CSPG4: variants seen among roughly 807,000 people sequenced by gnomAD.
CSPG4 encodes the protein chondroitin sulfate proteoglycan 4 (melanoma-associated).
A neutral mutation model predicts 139.3 loss-of-function variants in CSPG4; 74 were observed. The ratio of observed to expected loss-of-function variants is 0.53; its 90% confidence interval spans 0.44 to 0.64. The LOEUF (loss-of-function observed/expected upper bound fraction) is 0.64. CSPG4 is among the 30% of genes least tolerant of loss of function. The pLI is 0.00. For synonymous variants in CSPG4, 1,234 were observed against 1,394.2 expected, an observed-to-expected ratio of 0.89 and a Z score of 2.56; for missense variants, 2,565 against 3,148.3, an observed-to-expected ratio of 0.81 and a Z score of 4.43.
intron 1 of CSPG4, among the ~76,000 whole-genome samples, chr15:75,700,903 C>A (rs190384393): frequency 6.6e-6 from 1 of 152,158 alleles, no homozygotes; most frequent in Non-Finnish European, 1.5e-5. Flanking sequence ...CTCCTCAGTT[C>A]CCCCATCTGA....
chr15:75,682,824 C>G lies in CSPG4; in HGVS notation c.4648+19G>C. 3 of 1,605,878 alleles carry G rather than the reference C, an allele frequency of 1.9e-6. No individual in the cohort carries two copies. Among genetic ancestry groups the G allele is most frequent in the Non-Finnish European group, 2.6e-6 (3 of 1,176,010 alleles). On this transcript the variant is annotated intron_variant, in intron 6 of 9. Transcript: ENST00000308508. Reference sequence around the variant, plus strand: ...CCCCGTGGGCAGCAGGAACCCGAGGCCCGGCCCTCAGCACCCACCTCTGTG... The same window carrying G: ...CCCCGTGGGCAGCAGGAACCCGAGGGCCGGCCCTCAGCACCCACCTCTGTG...
Position 75,688,249 on chromosome 15 carries a change from C to T in CSPG4, c.2816G>A (p.Arg939Gln), listed in dbSNP as rs764298770. ...CCAAGCCAACCTCCCATGGCGGGGC[C>T]GCTCCATGACCTCATAGAGGTAGCT... ...SASYLYEVME[R>Q]PRHGRLAWRG... Residue 939 changes from arginine to glutamine, a missense_variant, in exon 3 of 10, where the codon CGG becomes CAG. Arg to Gln is a conservative substitution (Grantham distance 43). This residue lies in a region of CSPG4 where 2,316 missense variants were observed against 2,818.2 expected (regional missense o/e 0.82). Coordinates refer to ENST00000308508, the MANE Select transcript of CSPG4 (RefSeq NM_001897.5). 5.6e-5 allele frequency: 91 copies of T among 1,612,812 alleles called. No homozygotes were observed. The highest frequency in any genetic ancestry group is 6.7e-5 in the Non-Finnish European group (79 of 1,179,958).
At chr15:75,702,772 T>C (rs1192785892) in intron 1 of CSPG4, among the ~76,000 whole-genome samples, 1 of 152,108 alleles carries the variant, frequency 6.6e-6, no homozygotes, top group African/African-American at 2.4e-5. Flanking sequence ...TTAAAGAAAA[T>C]AGAATCCGAG....
At chr15:75,692,414 C>T (rs994732919) in intron 2 of CSPG4, among the ~76,000 whole-genome samples, 3 of 152,306 alleles carry the variant, frequency 2.0e-5, no homozygotes, top group South Asian at 2.1e-4. Flanking sequence ...GCCACTGCAC[C>T]CAGCCTGGCA....
At position 75,676,891 on chromosome 15, in the gene CSPG4, G is replaced by A. The variant is rs1893901419; in HGVS notation, c.5628C>T (p.Pro1876=). 2 of 1,591,056 alleles carry A rather than the reference G, an allele frequency of 1.3e-6. No homozygotes were observed. Among genetic ancestry groups the A allele is most frequent in the East Asian group, 2.3e-5 (1 of 43,974 alleles). Residue 1876 remains proline (P), a synonymous_variant, in exon 10 of 10, where the codon CCC becomes CCT. Coordinates refer to ENST00000308508, the MANE Select transcript of CSPG4 (RefSeq NM_001897.5). ...CCACCAGGCTGAGGAAGCCGTTGTG[G>A]GGTGCCCGCTGGACCTCGTACTCAA... ...GEIEYEVQRA[P]HNGFLSLVGG...
intron 1 of CSPG4, among the ~76,000 whole-genome samples, chr15:75,699,794 G>C (rs1265870188): frequency 6.6e-6 from 1 of 152,154 alleles, no homozygotes; most frequent in Non-Finnish European, 1.5e-5. Flanking sequence ...GAGGAGGGTG[G>C]GGTGGCTGCG....
At position 75,689,030 on chromosome 15, in the gene CSPG4, T is replaced by A; in HGVS notation, c.2035A>T (p.Met679Leu). ...TGLRLAQGSA[M>L]PILPANLSVE... Reference sequence around the variant, plus strand: ...GACAGGTTGGCGGGCAAGATGGGCATGGCAGAGCCTTGGGCCAGTCGCAAC... The same window carrying A: ...GACAGGTTGGCGGGCAAGATGGGCAAGGCAGAGCCTTGGGCCAGTCGCAAC... The change falls in exon 3 of 10, where the codon ATG (methionine) becomes TTG (leucine). Residue 679 changes from methionine to leucine, a missense_variant. By Grantham distance (15) the Met-to-Leu change is conservative. Around this residue, in one of 5 missense-constraint regions of CSPG4, gnomAD observed 2,316 missense variants for 2,818.2 expected, o/e 0.82. Coordinates refer to ENST00000308508, the MANE Select transcript of CSPG4 (RefSeq NM_001897.5). 6.2e-7 allele frequency: 1 copy of A among 1,611,908 alleles called. No homozygotes were observed. Among genetic ancestry groups the A allele is most frequent in the South Asian group, 1.1e-5 (1 of 91,036 alleles).
chr15:75,705,552 A>C (rs1233004847), intron 1 of CSPG4, among the ~76,000 whole-genome samples: 1 of 152,220 alleles, frequency 6.6e-6, no homozygotes, highest in African/African-American at 2.4e-5. Flanking sequence ...CCCATTTTAG[A>C]GAGGAGAAAA....
rs544841931 is a variant in CSPG4 at position 75,684,659 on chromosome 15, A to G, written c.4449+77T>C. 3.7e-6 allele frequency: 5 copies of G among 1,369,720 alleles called. No individual in the cohort carries two copies. In the East Asian group the frequency reaches 7.3e-5, roughly 20 times the overall value. 84.8% of individuals were successfully genotyped at this position (1,369,720 alleles called of 1,614,324 possible). On this transcript the variant is annotated intron_variant, in intron 5 of 9. Coordinates refer to ENST00000308508, the MANE Select transcript of CSPG4 (RefSeq NM_001897.5). ...GGAAACTGAGGATCAGAGCTGGGGGAGCTCTGAGCCGCGAAGTAGGGGACG... is the reference window on the plus strand; with the variant it reads ...GGAAACTGAGGATCAGAGCTGGGGGGGCTCTGAGCCGCGAAGTAGGGGACG...
chr15:75,712,879 T>G (rs1894467044), upstream of CSPG4: 10 of 752,124 alleles, frequency 1.3e-5, no homozygotes, highest in Non-Finnish European at 2.0e-5. Flanking sequence ...CGCACTTAAC[T>G]CCGGGGGCGG....
Position 75,682,458 on chromosome 15 carries a change from C to A in CSPG4, c.4785G>T (p.Gly1595=), listed in dbSNP as rs1269866922. 9.5e-6 allele frequency: 15 copies of A among 1,578,836 alleles called. No individual in the cohort carries two copies. Among genetic ancestry groups the A allele is most frequent in the Non-Finnish European group, 1.3e-5 (15 of 1,168,078 alleles). ...KGSQTLTVCP[G]SVQPLSSQTL... is the part of the protein sequence containing the mutation. ...TCTGACTGCTGAGTGGCTGGACGGA[C>A]CCTGCCAGAGGCAAAAGGGGATATC... The change falls in exon 8 of 10, where the codon GGG becomes GGT. Residue 1595 remains glycine (G), a splice_region_variant and synonymous_variant. Transcript: ENST00000308508.
At chr15:75,694,329 G>A (rs981990355) in intron 1 of CSPG4, among the ~76,000 whole-genome samples, 1 of 152,196 alleles carries the variant, frequency 6.6e-6, no homozygotes. Context: ...CTTCCAACCC[G>A]CTGCCACAAT....
chr15:75,710,166 C>G (rs1894429384), intron 1 of CSPG4, among the ~76,000 whole-genome samples: 1 of 152,212 alleles, frequency 6.6e-6, no homozygotes, highest in Non-Finnish European at 1.5e-5. Context: ...CTGCCAGGTA[C>G]TCCCCAACCT....
chr15:75,691,780 T>C (rs1027796732), intron 2 of CSPG4, among the ~76,000 whole-genome samples: 3 of 152,134 alleles, frequency 2.0e-5, no homozygotes, highest in African/African-American at 7.2e-5. Flanking sequence ...CAGAGTATGG[T>C]AACTGCAGAA....
rs1821857827 is a variant in CSPG4 at position 75,687,468 on chromosome 15, A to G, written c.3597T>C (p.Tyr1199=). 6.2e-7 allele frequency: 1 copy of G among 1,612,494 alleles called. No homozygotes were observed. The change falls in exon 3 of 10, where the codon TAT becomes TAC. Residue 1199 remains tyrosine (Y), a synonymous_variant. Transcript: ENST00000308508. This position sits in a 1 kb window ranked among gnomAD's most constrained non-coding sequence, Gnocchi z 5.4. ...GGGGGCTGAGGCTGCCATTGTGGCT[A>G]TAGAGAACGGCCCCATCCAGCAGGT... ...QQDLLDGAVL[Y]SHNGSLSPRD... is the part of the protein sequence containing the mutation.
At chr15:75,702,205 C>T (rs911340901) in intron 1 of CSPG4, among the ~76,000 whole-genome samples, 4 of 152,216 alleles carry the variant, frequency 2.6e-5, no homozygotes, top group African/African-American at 9.6e-5. Context: ...TGCAGGGTCT[C>T]TTGCTCTCTT....
chr15:75,676,741 G>C lies in CSPG4; in HGVS notation c.5778C>G (p.Ser1926Arg), dbSNP rs748150712. The C allele has an allele frequency of 3.1e-5, 49 of 1,573,260 alleles. No homozygotes were observed. Among genetic ancestry groups the C allele is most frequent in the Non-Finnish European group, 4.1e-5 (47 of 1,158,028 alleles). ...CAGCCAGGGACATGGGCAGGGGTGG[G>C]CTGGCCCCATCAGACATGCTCAGCT... ...IFQLSMSDGASPPLPMSLAVD... is the reference protein window; with the variant it reads ...IFQLSMSDGARPPLPMSLAVD... The change falls in exon 10 of 10, where the codon AGC (serine) becomes AGG (arginine). Residue 1926 changes from serine (S) to arginine (R), a missense_variant. This residue lies in a region of CSPG4 where 2,316 missense variants were observed against 2,818.2 expected (regional missense o/e 0.82). Coordinates refer to ENST00000308508, the MANE Select transcript of CSPG4 (RefSeq NM_001897.5).
chr15:75,700,682 T>A (rs1894290640), intron 1 of CSPG4, among the ~76,000 whole-genome samples: 1 of 151,934 alleles, frequency 6.6e-6, no homozygotes, highest in Admixed American at 6.6e-5. Flanking sequence ...ATCTCTGAGT[T>A]CCCCTTGGCT....
chr15:75,698,971 C>T lies in CSPG4; in HGVS notation c.89-5738G>A, dbSNP rs558930546. Among the ~76,000 whole-genome samples the T allele has an allele frequency of 1.7e-3, 260 of 152,216 alleles. No homozygotes were observed. Among genetic ancestry groups the T allele is most frequent in the African/African-American group, 5.6e-3 (233 of 41,546 alleles). ...TGGCCAGGGTGGGCTGCCTGGGAGACGCTCACACACCTGCAGACCCCTCAG... is the reference window on the plus strand; with the variant it reads ...TGGCCAGGGTGGGCTGCCTGGGAGATGCTCACACACCTGCAGACCCCTCAG... On this transcript the variant is annotated intron_variant, in intron 1 of 9. Coordinates refer to ENST00000308508, the MANE Select transcript of CSPG4 (RefSeq NM_001897.5). The surrounding 1 kb of genome is among the most constrained non-coding windows in gnomAD (Gnocchi z 4.3).
Sources: allele counts gnomAD v4.1 joint callset (sites outside exome capture counted in the v4.1 genomes callset), GRCh38; gene constraint gnomAD v4.1.1; regional missense constraint gnomAD v4.1.1; non-coding constraint Gnocchi (gnomAD v3.1); transcripts MANE v1.5; gene names NCBI Gene and HGNC (gene_info 2026-07-23, HGNC 2026-07-21).